GMDS: variants seen among roughly 807,000 people sequenced by gnomAD.
The protein encoded by GMDS is GDP-mannose 4,6 dehydratase.
A neutral mutation model predicts 49.9 loss-of-function variants in GMDS; 20 were observed. That is an observed-to-expected ratio of 0.40 (90% CI 0.28 to 0.58). The LOEUF is 0.58. Among genes scored for constraint, GMDS ranks in the 20% least tolerant of loss-of-function variants. GMDS has a pLI of 0.42. For missense variants in GMDS, 362 were observed against 481.4 expected, an observed-to-expected ratio of 0.75 and a Z score of 2.32; for synonymous variants, 177 against 178.6, an observed-to-expected ratio of 0.99 and a Z score of 0.07.
intron 1 of GMDS, among the ~76,000 whole-genome samples, chr6:2,198,869 A>G (rs544191971): frequency 6.6e-6 from 1 of 152,348 alleles, no homozygotes; most frequent in Non-Finnish European, 1.5e-5. Context: ...GCCTAGCTCT[A>G]AGACCACAAT....
chr6:2,094,477 TA>T (rs1197293496), intron 4 of GMDS, among the ~76,000 whole-genome samples: 1 of 152,154 alleles, frequency 6.6e-6, no homozygotes, highest in Non-Finnish European at 1.5e-5. Context: ...ATAAAGCAAA[TA>T]CAATTCTAGA....
At chr6:2,124,066 A>T (rs1775286710) in intron 2 of GMDS, among the ~76,000 whole-genome samples, 1 of 151,950 alleles carries the variant, frequency 6.6e-6, no homozygotes. Context: ...GTATAGCATG[A>T]ATTTATATAC....
intron 7 of GMDS, among the ~76,000 whole-genome samples, chr6:1,804,589 C>T (rs1216849320): frequency 6.6e-6 from 1 of 152,218 alleles, no homozygotes; most frequent in Non-Finnish European, 1.5e-5. Context: ...CTCAGATCTC[C>T]TATGTGTCAT....
At chr6:1,856,472 A>C (rs761526875) in intron 7 of GMDS, among the ~76,000 whole-genome samples, 1 of 152,222 alleles carries the variant, frequency 6.6e-6, no homozygotes, top group African/African-American at 2.4e-5. Flanking sequence ...TGCTGTAGAC[A>C]TTAGCTCTTC....
At chr6:1,860,393 T>G (rs1233396171) in intron 7 of GMDS, among the ~76,000 whole-genome samples, 2 of 152,146 alleles carry the variant, frequency 1.3e-5, no homozygotes, top group Non-Finnish European at 2.9e-5. Context: ...ATTATTCCAT[T>G]TATATGATAT....
At chr6:1,768,825 A>G (rs1264825898) in intron 7 of GMDS, among the ~76,000 whole-genome samples, 1 of 152,226 alleles carries the variant, frequency 6.6e-6, no homozygotes, top group Non-Finnish European at 1.5e-5. Flanking sequence ...TTGAATATTC[A>G]TAATTTGTAA....
At chr6:1,652,379 AAATATATATATATT>A (rs1223407762) in intron 9 of GMDS, among the ~76,000 whole-genome samples, 1 of 9,892 alleles carries the variant, frequency 1.0e-4, no homozygotes, top group Non-Finnish European at 2.6e-4. Context: ...CTAAAAAAAA[AAATATATATATATT>A]ATATATATAT....
chr6:2,098,482 C>T (rs756369301), intron 4 of GMDS, among the ~76,000 whole-genome samples: 16 of 152,034 alleles, frequency 1.1e-4, no homozygotes, highest in African/African-American at 3.1e-4. Flanking sequence ...AGAATTTGTA[C>T]GTAGTTTATA....
At chr6:1,815,276 T>C (rs747194497) in intron 7 of GMDS, among the ~76,000 whole-genome samples, 3 of 152,234 alleles carry the variant, frequency 2.0e-5, no homozygotes, top group Non-Finnish European at 4.4e-5. Context: ...ATTAGCCATA[T>C]AAGTAAAAAA....
At chr6:2,168,964 C>T (rs1016687128) in intron 1 of GMDS, among the ~76,000 whole-genome samples, 4 of 152,150 alleles carry the variant, frequency 2.6e-5, no homozygotes, top group Admixed American at 2.0e-4. Flanking sequence ...ATAACCAAGA[C>T]CGTATCATGT....
At position 1,684,183 on chromosome 6, in the gene GMDS, C is replaced by T. The variant is rs60198177; in HGVS notation, c.987+42233G>A. 7.9e-3 allele frequency among the ~76,000 whole-genome samples: 1,201 copies of T among 152,242 alleles called. 12 individuals are homozygous for T. The highest frequency in any genetic ancestry group is 0.028 in the African/African-American group (1,155 of 41,532). ...GGAGTCACAGAAGTAGTGACTTCAC[C>T]GTGCTGTGTGAGCATCCGCTGAAGT... On this transcript the variant is annotated intron_variant, in intron 9 of 10. Coordinates refer to ENST00000380815, the MANE Select transcript of GMDS (RefSeq NM_001500.4).
chr6:1,685,724 C>T lies in GMDS; in HGVS notation c.987+40692G>A, dbSNP rs1180731749. ...GCTCAGAACGTGGCCATAACATTTA[C>T]CAGGAAAAACGGAGTGAAGAGGAAG... is the stretch of plus-strand genomic sequence containing the variant. On this transcript the variant is annotated intron_variant, in intron 9 of 10. Transcript: ENST00000380815. Among the ~76,000 whole-genome samples, 4 of 151,886 alleles carry T rather than the reference C, an allele frequency of 2.6e-5. No individual in the cohort carries two copies. In the South Asian group the frequency reaches 8.3e-4, roughly 32 times the overall value.
In GMDS at chr6:2,245,393, G is replaced by A; in HGVS notation, c.30C>T (p.Ser10=). The A allele has an allele frequency of 6.5e-7, 1 of 1,539,116 alleles. No homozygotes were observed. The change falls in exon 1 of 11, where the codon AGC becomes AGT. Residue 10 remains serine, a synonymous_variant. Transcript: ENST00000380815. ...TCTCGCCGTCCCCGGAGCCCCGGGC[G>A]CTGGGGCAGCGTGCCGGTGCGTGTG... The part of the protein sequence containing the change: MAHAPARCP[S]ARGSGDGEMG...
intron 7 of GMDS, among the ~76,000 whole-genome samples, chr6:1,791,180 A>T (rs1034184697): frequency 6.6e-6 from 1 of 152,212 alleles, no homozygotes; most frequent in African/African-American, 2.4e-5. Flanking sequence ...TACCTTGACT[A>T]TAACACTCAT....
intron 9 of GMDS, among the ~76,000 whole-genome samples, chr6:1,708,228 G>T (rs7771636): frequency 0.98 from 149,041 of 152,300 alleles, 72,989 homozygotes; most frequent in East Asian, 1. Flanking sequence ...GCGGCATCTG[G>T]GTATATCTCA....
At chr6:1,951,262 A>G (rs1763327920) in intron 6 of GMDS, among the ~76,000 whole-genome samples, 1 of 152,246 alleles carries the variant, frequency 6.6e-6, no homozygotes. Flanking sequence ...ATACAGTCAG[A>G]CATTTTATAA....
At chr6:2,018,585 T>C (rs1217360050) in intron 4 of GMDS, among the ~76,000 whole-genome samples, 1 of 152,200 alleles carries the variant, frequency 6.6e-6, no homozygotes, top group East Asian at 1.9e-4. Flanking sequence ...ATTAATGGAA[T>C]CATAATACGT....
At chr6:1,941,069 T>TA (rs60798013) in intron 6 of GMDS, among the ~76,000 whole-genome samples, 69 of 150,376 alleles carry the variant, frequency 4.6e-4, no homozygotes, top group Admixed American at 9.9e-4. Flanking sequence ...ATCCCCAAAA[T>TA]AAAAAAAAAA....
At chr6:2,074,789 C>T (rs970290789) in intron 4 of GMDS, among the ~76,000 whole-genome samples, 2 of 152,138 alleles carry the variant, frequency 1.3e-5, no homozygotes, top group African/African-American at 4.8e-5. Context: ...CAAGCATGAG[C>T]CACCATGCCT....
Sources: allele counts gnomAD v4.1 joint callset (sites outside exome capture counted in the v4.1 genomes callset), GRCh38; gene constraint gnomAD v4.1.1; transcripts MANE v1.5; gene names NCBI Gene and HGNC (gene_info 2026-07-23, HGNC 2026-07-21).